The following TTF2 variants were observed in gnomAD, a reference collection of about 807,000 sequenced individuals.
The protein encoded by TTF2 is RNA polymerase II termination factor.
Under a neutral mutation model 142.4 loss-of-function variants are expected in TTF2, and 108 were observed. The ratio of observed to expected loss-of-function variants is 0.76; its 90% CI spans 0.65 to 0.89. The LOEUF is 0.89. Ranked by LOEUF, TTF2 falls within the 40% of genes least tolerant of loss-of-function variation. TTF2 has a pLI of 0.00. For missense variants in TTF2, 1,327 were observed against 1,379.8 expected, an observed-to-expected ratio of 0.96 and a Z score of 0.61; for synonymous variants, 483 against 506.2, an observed-to-expected ratio of 0.95 and a Z score of 0.61.
At position 117,070,309 on chromosome 1, in the gene TTF2, G is replaced by A. The variant is rs1198563494; in HGVS notation, c.219-3352G>A. ...CATTTTTGTGTGAACGTCACTGTGT[G>A]AACTTACACAAACCTACTTGGTATA... On this transcript the variant is annotated intron_variant, in intron 3 of 22. Transcript: ENST00000369466. This position sits in a 1 kb window ranked among gnomAD's most constrained non-coding sequence, Gnocchi z 4.2. 5.9e-5 allele frequency among the ~76,000 whole-genome samples: 9 copies of A among 152,222 alleles called. No individual in the cohort carries two copies. The highest frequency in any genetic ancestry group is 5.9e-4 in the Admixed American group (9 of 15,288).
chr1:117,101,446 C>G lies in TTF2; in HGVS notation c.3411C>G (p.Ala1137=), dbSNP rs1649572668. Residue 1137 remains alanine (A), a synonymous_variant, in exon 23 of 23, where the codon GCC becomes GCG. Coordinates refer to ENST00000369466, the MANE Select transcript of TTF2 (RefSeq NM_003594.4). This position sits in a 1 kb window ranked among gnomAD's most constrained non-coding sequence, Gnocchi z 5.9. ...TCCAAGAAAAAAAGAAAGATTTGGC[C>G]AAACAAGTTCTATCAGGGTCTGGAG... ...LQLQEKKKDL[A]KQVLSGSGES... The G allele has an allele frequency of 6.2e-7, 1 of 1,611,122 alleles. No individual in the cohort carries two copies. Among genetic ancestry groups the G allele is most frequent in the Admixed American group, 1.7e-5 (1 of 59,152 alleles).
chr1:117,088,843 A>T lies in TTF2; in HGVS notation c.2203A>T (p.Ile735Leu). The change falls in exon 13 of 23, where the codon ATA becomes TTA. Residue 735 changes from isoleucine to leucine, a missense_variant. Physicochemically the swap from Ile to Leu is conservative, Grantham distance 5. Coordinates refer to ENST00000369466, the MANE Select transcript of TTF2 (RefSeq NM_003594.4). ...PLLRIAWARI[I>L]LDEAHNVKNP... Reference sequence around the variant, plus strand: ...GCTTCGAATAGCCTGGGCTCGAATCATATTGGATGAAGCTCACAATGTTAA... The same window carrying T: ...GCTTCGAATAGCCTGGGCTCGAATCTTATTGGATGAAGCTCACAATGTTAA... The T allele has an allele frequency of 6.2e-7, 1 of 1,614,168 alleles. No homozygotes were observed. Among genetic ancestry groups the T allele is most frequent in the Non-Finnish European group, 8.5e-7 (1 of 1,180,010 alleles).
chr1:117,107,393 A>G lies in TTF2; in HGVS notation c.*5869A>G. ...TTTATTGCAATGTTACTTCATCTAC[A>G]TAAAGTTGTCCAATCACTGAAACCT... On this transcript the variant is annotated 3_prime_UTR_variant, in exon 23 of 23. Transcript: ENST00000369466. The G allele has an allele frequency of 6.6e-6, 1 of 152,274 alleles. No individual in the cohort carries two copies. 9.4% of individuals were successfully genotyped at this position (152,274 alleles called of 1,614,324 possible). A position where few individuals can be genotyped will look rare whatever the true frequency, so the allele number is the denominator to read the frequency against.
rs60332832 is a variant in TTF2 at position 117,100,980 on chromosome 1, C to T, written c.3345-400C>T. 0.023 allele frequency among the ~76,000 whole-genome samples: 3,469 copies of T among 152,124 alleles called. 128 individuals are homozygous for T. The highest frequency in any genetic ancestry group is 0.079 in the African/African-American group (3,291 of 41,500). ...GTGCCATTTACTTGGTTTGAAAACC[C>T]TGTTTTTATTGTGAATTCACTAAGA... On this transcript the variant is annotated intron_variant, in intron 22 of 22. Coordinates refer to ENST00000369466, the MANE Select transcript of TTF2 (RefSeq NM_003594.4). This position sits in a 1 kb window ranked among gnomAD's most constrained non-coding sequence, Gnocchi z 4.6.
At position 117,075,582 on chromosome 1, in the gene TTF2, C is replaced by T. The variant is rs746586876; in HGVS notation, c.998C>T (p.Ala333Val). The T allele has an allele frequency of 2.5e-6, 4 of 1,614,186 alleles. No individual in the cohort carries two copies. In the Admixed American group the frequency reaches 5.0e-5, roughly 20 times the overall value. The change falls in exon 5 of 23, where the codon GCA becomes GTA. Residue 333 changes from alanine (A) to valine (V), a missense_variant. Transcript: ENST00000369466. The surrounding 1 kb of genome is among the most constrained non-coding windows in gnomAD (Gnocchi z 4.5). Reference sequence around the variant, plus strand: ...CCTGGAGGACCAGCGGCTCAGGCTGCACCAGCAGCACCAGGGCTTTCCCTG... The same window carrying T: ...CCTGGAGGACCAGCGGCTCAGGCTGTACCAGCAGCACCAGGGCTTTCCCTG... ...PAPGGPAAQA[A>V]PAAPGLSLGE...
intron 12 of TTF2, among the ~76,000 whole-genome samples, chr1:117,088,569 A>G (rs535350038): frequency 6.6e-6 from 1 of 152,142 alleles, no homozygotes; most frequent in East Asian, 1.9e-4. Flanking sequence ...ATTTGAAAAC[A>G]TTTTACTCTT....
intron 21 of TTF2, chr1:117,098,578 G>A (rs1649345612): frequency 2.9e-6 from 1 of 341,668 alleles, no homozygotes; most frequent in African/African-American, 2.1e-5. Flanking sequence ...GCACCAGCTT[G>A]TCTTAGGCCA....
At chr1:117,077,310 C>T (rs953675864) in intron 7 of TTF2, among the ~76,000 whole-genome samples, 12 of 152,168 alleles carry the variant, frequency 7.9e-5, no homozygotes, top group Non-Finnish European at 1.8e-4. Context: ...TAGAGCTTTG[C>T]ATCGTGTTAC....
In TTF2 at chr1:117,075,551, C is replaced by T; in HGVS notation, c.967C>T (p.Pro323Ser). 1 of 1,614,176 alleles carries T rather than the reference C, an allele frequency of 6.2e-7. No homozygotes were observed. The highest frequency in any genetic ancestry group is 1.1e-5 in the South Asian group (1 of 91,082). Residue 323 changes from proline to serine, a missense_variant, in exon 5 of 23, where the codon CCT becomes TCT. By Grantham distance (74) the Pro-to-Ser change is moderately conservative (BLOSUM62 -1). Transcript: ENST00000369466. The surrounding 1 kb of genome is among the most constrained non-coding windows in gnomAD (Gnocchi z 4.5). ...FQERPETHSV[P>S]APGGPAAQAA... ...AGAGCGGCCGGAGACCCACAGTGTG[C>T]CTGCTCCTGGAGGACCAGCGGCTCA... is the stretch of plus-strand genomic sequence containing the variant.
At chr1:117,077,008 C>A (rs529574232) in intron 7 of TTF2, among the ~76,000 whole-genome samples, 185 bp downstream of exon 7, 1 of 152,088 alleles carries the variant, frequency 6.6e-6, no homozygotes, top group Admixed American at 6.6e-5. Context: ...ATTCACATAA[C>A]TTTTATTACA....
At position 117,073,806 on chromosome 1, in the gene TTF2, T is replaced by C; in HGVS notation, c.285+79T>C. 1 of 1,361,714 alleles carries C rather than the reference T, an allele frequency of 7.3e-7. No homozygotes were observed. Among genetic ancestry groups the C allele is most frequent in the East Asian group, 2.4e-5 (1 of 41,842 alleles). The allele number at this position is 1,361,714 out of a possible 1,614,324, so 84.4% of individuals were successfully genotyped here. On this transcript the variant is annotated intron_variant, in intron 4 of 22. Coordinates refer to ENST00000369466, the MANE Select transcript of TTF2 (RefSeq NM_003594.4). The surrounding 1 kb of genome is among the most constrained non-coding windows in gnomAD (Gnocchi z 4.4). The stretch of plus-strand genomic sequence containing the variant: ...AGCATCACCTGAAAATACCTTGAAG[T>C]TCACGTAAATGAGTTGGTCTTCATC...
rs562247441 is a variant in TTF2 at position 117,084,185 on chromosome 1, G to A, written c.2054+17G>A. 1.6e-5 allele frequency: 26 copies of A among 1,613,988 alleles called. No homozygotes were observed. The highest frequency in any genetic ancestry group is 6.7e-5 in the East Asian group (3 of 44,874). ...TGCCAGAGTGTAAGTGCAGGAATAC[G>A]CAGTTGTGGGGGCGTTCAGCACCTC... On this transcript the variant is annotated intron_variant, in intron 11 of 22. Transcript: ENST00000369466.
At chr1:117,062,729 A>G (rs1032029956) in intron 3 of TTF2, among the ~76,000 whole-genome samples, 4 of 152,194 alleles carry the variant, frequency 2.6e-5, no homozygotes, top group Non-Finnish European at 5.9e-5. Context: ...GTAGCCTATA[A>G]TGACAGCTGA....
Position 117,095,997 on chromosome 1 carries a change from C to T in TTF2, c.3036-152C>T, listed in dbSNP as rs997062806. Reference sequence around the variant, plus strand: ...GAAGCATTATAATCTTCAGATATGACCTAAATGTGTGCCTTCTCCCTTAGG... The same window carrying T: ...GAAGCATTATAATCTTCAGATATGATCTAAATGTGTGCCTTCTCCCTTAGG... On this transcript the variant is annotated intron_variant, in intron 19 of 22. Transcript: ENST00000369466. 45 of 732,406 alleles carry T rather than the reference C, an allele frequency of 6.1e-5. No homozygotes were observed. In the African/African-American group the frequency reaches 7.3e-4, roughly 12 times the overall value. The allele number at this position is 732,406 out of a possible 1,614,324, so 45.4% of individuals were successfully genotyped here.
At chr1:117,094,600 C>A (rs949488820) in intron 18 of TTF2, 3 of 472,748 alleles carry the variant, frequency 6.3e-6, no homozygotes, top group Non-Finnish European at 8.8e-6. Context: ...TTGGAGCAGG[C>A]CATAAAGTGG....
chr1:117,079,504 G>T lies in TTF2; in HGVS notation c.1702-64G>T. On this transcript the variant is annotated intron_variant, in intron 8 of 22. Coordinates refer to ENST00000369466, the MANE Select transcript of TTF2 (RefSeq NM_003594.4). The surrounding 1 kb of genome is among the most constrained non-coding windows in gnomAD (Gnocchi z 4.2). ...AATAGGAGAGTGTAGAGTTCGTGTA[G>T]CCAGGCTCGGCATAGCCTCTCATTA... 2 of 1,492,830 alleles carry T rather than the reference G, an allele frequency of 1.3e-6. No homozygotes were observed. The highest frequency in any genetic ancestry group is 9.3e-7 in the Non-Finnish European group (1 of 1,070,654). The allele number at this position is 1,492,830 out of a possible 1,614,324, so 92.5% of individuals were successfully genotyped here. A position where few individuals can be genotyped will look rare whatever the true frequency, so the allele number is the denominator to read the frequency against.
rs753344258 is a variant in TTF2, at chr1:117,062,432, G to A, written c.177G>A (p.Glu59=). ...HCLLHEDFVV[E]LQGLLLPQDK... is the part of the protein sequence containing the mutation. ...TATTGCATGAGGACTTTGTGGTAGA[G>A]CTTCAGGGTTTGCTTCTGCCACAGG... Residue 59 remains glutamate, a synonymous_variant, in exon 3 of 23, where the codon GAG becomes GAA. Coordinates refer to ENST00000369466, the MANE Select transcript of TTF2 (RefSeq NM_003594.4). The A allele has an allele frequency of 1.9e-6, 3 of 1,612,864 alleles. No individual in the cohort carries two copies. Among genetic ancestry groups the A allele is most frequent in the African/African-American group, 2.7e-5 (2 of 74,622 alleles).
chr1:117,089,260 C>CTATATATA (rs10524337), intron 13 of TTF2, among the ~76,000 whole-genome samples: 1,663 of 137,490 alleles, frequency 0.012, 69 homozygotes, highest in African/African-American at 0.015. Flanking sequence ...CAAATATATG[C>CTATATATA]TATATATATA....
At chr1:117,091,211 G>T in intron 15 of TTF2, 117 bp from the exon 16 acceptor site, 2 of 739,122 alleles carry the variant, frequency 2.7e-6, no homozygotes, top group Non-Finnish European at 4.2e-6. Context: ...TGCTTCTTAT[G>T]AGCTTGGCAT....
Sources: gnomAD v4.1 joint callset for allele counts (sites outside exome capture counted in the v4.1 genomes callset) on GRCh38, gnomAD v4.1.1 for gene constraint, Gnocchi (gnomAD v3.1) non-coding constraint, MANE v1.5 for transcripts, NCBI Gene and HGNC (gene_info 2026-07-23, HGNC 2026-07-21) for gene names.